The following TRIP12 variants were observed in gnomAD, a reference collection of about 807,000 sequenced individuals.
TRIP12 encodes thyroid hormone receptor interactor 12.
Under a neutral mutation model 244.2 loss-of-function variants are expected in TRIP12, and 25 were observed. The observed-to-expected ratio is 0.10, with a 90% confidence interval of 0.07 to 0.14. TRIP12 has a LOEUF of 0.14. Ranked by LOEUF, TRIP12 falls within the 10% of genes least tolerant of loss-of-function variation. The pLI is 1.00. For missense variants in TRIP12, 1,677 were observed against 2,486.4 expected (o/e 0.67, Z 6.92); for synonymous variants, 905 against 873.1 (o/e 1.04, Z -0.64).
rs780172925 is a variant in TRIP12, at chr2:229,778,480, G to T, written c.5317C>A (p.Arg1773Ser). The change falls in exon 36 of 42, where the codon CGC becomes AGC. Residue 1773 changes from arginine (R) to serine (S), a missense_variant. Physicochemically the swap from Arg to Ser is moderately radical, Grantham distance 110. Transcript: ENST00000675903. The surrounding 1 kb of genome is among the most constrained non-coding windows in gnomAD (Gnocchi z 4.1). ...TTGGCCATTAATTTTCCTAAGAAGC[G>T]AAACTTCATCTTAACCTTTGCGATA... Reference protein sequence around the residue: ...AHIAKVKMKFRFLGKLMAKAI... With the variant: ...AHIAKVKMKFSFLGKLMAKAI... 6.2e-7 allele frequency: 1 copy of T among 1,613,880 alleles called. No homozygotes were observed. Among genetic ancestry groups the T allele is most frequent in the African/African-American group, 1.3e-5 (1 of 74,886 alleles).
At chr2:229,827,462 AATT>A (rs200242984) in intron 8 of TRIP12, among the ~76,000 whole-genome samples, 29 of 151,922 alleles carry the variant, frequency 1.9e-4, no homozygotes, top group African/African-American at 5.5e-4. Context: ...CTATTTTGAA[AATT>A]ATTATTATTA....
At position 229,807,827 on chromosome 2, in the gene TRIP12, C is replaced by A. The variant is rs2046253245; in HGVS notation, c.2377G>T (p.Ala793Ser). The change falls in exon 17 of 42, where the codon GCA becomes TCA. Residue 793 changes from alanine (A) to serine (S), a missense_variant. Around this residue, in one of 11 missense-constraint regions of TRIP12, gnomAD observed 572 missense variants for 867.8 expected, o/e 0.66. Transcript: ENST00000675903. ...MPCLPKEGIFAVDTMLKKGNA... is the reference protein window; with the variant it reads ...MPCLPKEGIFSVDTMLKKGNA... ...CCCTTCTTCAACATGGTATCAACTG[C>A]AAAAATGCCTTCTTTTGGTAAACAT... is the stretch of plus-strand genomic sequence containing the variant. The A allele has an allele frequency of 6.2e-7, 1 of 1,613,060 alleles. No homozygotes were observed. The highest frequency in any genetic ancestry group is 8.5e-7 in the Non-Finnish European group (1 of 1,179,754).
intron 4 of TRIP12, among the ~76,000 whole-genome samples, chr2:229,853,914 A>G (rs1003764966): frequency 2.0e-5 from 3 of 152,188 alleles, no homozygotes; most frequent in Admixed American, 1.3e-4. Flanking sequence ...ATGAGGAGAT[A>G]ATATTTTTTA....
chr2:229,818,242 C>T, intron 9 of TRIP12, 122 bp downstream of exon 9: 2 of 1,077,102 alleles, frequency 1.9e-6, no homozygotes, highest in Non-Finnish European at 2.7e-6. Flanking sequence ...AAGTCATATA[C>T]TCCTCTCTTA....
intron 34 of TRIP12, among the ~76,000 whole-genome samples, chr2:229,783,788 T>C (rs1451686696): frequency 1.4e-5 from 2 of 145,332 alleles, no homozygotes; most frequent in African/African-American, 5.1e-5. Context: ...AAATAAAAGT[T>C]GAAAATAACC....
chr2:229,889,405 A>C (rs894270195), intron 1 of TRIP12, among the ~76,000 whole-genome samples: 1 of 152,228 alleles, frequency 6.6e-6, no homozygotes, highest in Non-Finnish European at 1.5e-5. Flanking sequence ...CTTAGCTCAG[A>C]TGGCTTGTAT....
intron 38 of TRIP12, chr2:229,773,770 T>C (rs1470140690): frequency 5.0e-6 from 1 of 200,534 alleles, no homozygotes; most frequent in Non-Finnish European, 1.0e-5. Flanking sequence ...TCAAGCTAGC[T>C]GCCTTGATGG....
intron 1 of TRIP12, among the ~76,000 whole-genome samples, chr2:229,899,175 G>A (rs1215352883): frequency 6.6e-5 from 10 of 151,984 alleles, no homozygotes; most frequent in South Asian, 2.1e-4. Context: ...GGCCTGTCTC[G>A]AACTCCTGAG....
At chr2:229,900,385 A>G (rs1351934613) in intron 1 of TRIP12, among the ~76,000 whole-genome samples, 1 of 152,246 alleles carries the variant, frequency 6.6e-6, no homozygotes, top group African/African-American at 2.4e-5. Context: ...TTAAATTCAA[A>G]TAATTTAAGT....
chr2:229,793,775 C>G (rs1463536974), intron 26 of TRIP12, among the ~76,000 whole-genome samples: 1 of 152,104 alleles, frequency 6.6e-6, no homozygotes, highest in African/African-American at 2.4e-5. Flanking sequence ...CTGCGGCCCA[C>G]AGGCCACATG....
chr2:229,823,192 C>T (rs748027204), intron 8 of TRIP12, among the ~76,000 whole-genome samples: 6 of 152,154 alleles, frequency 3.9e-5, no homozygotes, highest in Non-Finnish European at 8.8e-5. Context: ...CAAGAATTTT[C>T]TAAAACTGAA....
chr2:229,896,045 A>C (rs1394288788), intron 1 of TRIP12, among the ~76,000 whole-genome samples: 2 of 152,124 alleles, frequency 1.3e-5, no homozygotes, highest in African/African-American at 2.4e-5. Context: ...AATTATCTCC[A>C]ATGAATGAAG....
At position 229,765,865 on chromosome 2, in the gene TRIP12, G is replaced by C. The variant is rs2031546300; in HGVS notation, c.*1689C>G. ...TCACTTGTCAGTCTCTGCAGAGACA[G>C]GGAGAGAATTCTCTGCCCCCAACTC... On this transcript the variant is annotated 3_prime_UTR_variant, in exon 42 of 42. Transcript: ENST00000675903. The C allele has an allele frequency of 2.0e-5, 3 of 152,214 alleles. No individual in the cohort carries two copies. The allele number at this position is 152,214 out of a possible 1,614,324, so 9.4% of individuals were successfully genotyped here.
At chr2:229,814,613 C>T (rs2048054707) in intron 11 of TRIP12, 1 of 270,226 alleles carries the variant, frequency 3.7e-6, no homozygotes, top group Non-Finnish European at 6.9e-6. Flanking sequence ...TTGTTTTACA[C>T]AACAAAATTT....
intron 2 of TRIP12, among the ~76,000 whole-genome samples, chr2:229,878,979 G>A (rs1041951351): frequency 1.4e-4 from 22 of 151,952 alleles, no homozygotes; most frequent in Middle Eastern, 3.4e-3. Context: ...GCAGCTGAGC[G>A]CAGTGACTCA....
intron 4 of TRIP12, among the ~76,000 whole-genome samples, chr2:229,847,448 A>T (rs113681050): frequency 1.2e-3 from 183 of 152,330 alleles, no homozygotes; most frequent in African/African-American, 4.0e-3. Context: ...AAGACTTAAC[A>T]CACATGCACT....
intron 1 of TRIP12, among the ~76,000 whole-genome samples, chr2:229,913,090 T>C (rs1260952096): frequency 1.3e-5 from 2 of 152,094 alleles, no homozygotes; most frequent in Non-Finnish European, 2.9e-5. Context: ...GCTCAAATCA[T>C]CCTCCTGCCT....
chr2:229,922,264 G>A (rs914098985), upstream of TRIP12: 1 of 507,100 alleles, frequency 2.0e-6, no homozygotes, highest in Non-Finnish European at 3.6e-6. Flanking sequence ...GTATCCCTCC[G>A]CCGGGGTCAC....
In TRIP12 at chr2:229,778,140, T is replaced by C. The variant is rs930428903; in HGVS notation, c.5364+293A>G. Among the ~76,000 whole-genome samples the C allele has an allele frequency of 1.3e-5, 2 of 152,164 alleles. No homozygotes were observed. The highest frequency in any genetic ancestry group is 4.8e-5 in the African/African-American group (2 of 41,430). ...AAAAAATAAATAATTAATACCACCT[T>C]AACTTGCCTGATTATCTGAACCCTT... On this transcript the variant is annotated intron_variant, in intron 36 of 41. Coordinates refer to ENST00000675903, the MANE Select transcript of TRIP12 (RefSeq NM_001348323.3). The surrounding 1 kb of genome is among the most constrained non-coding windows in gnomAD (Gnocchi z 4.1).
Sources: allele counts gnomAD v4.1 joint callset (sites outside exome capture counted in the v4.1 genomes callset), GRCh38; gene constraint gnomAD v4.1.1; regional missense constraint gnomAD v4.1.1; non-coding constraint Gnocchi (gnomAD v3.1); transcripts MANE v1.5; gene names NCBI Gene and HGNC (gene_info 2026-07-23, HGNC 2026-07-21).